IGFL4: variants seen among roughly 807,000 people sequenced by gnomAD.
IGFL4 encodes IGF like family member 4, also known as insulin growth factor-like family member 4.
IGFL4 carries 12 observed loss-of-function variants against 15.4 expected under a neutral mutation model. The ratio of observed to expected loss-of-function variants is 0.78; its 90% CI spans 0.50 to 1.26. The LOEUF (loss-of-function observed/expected upper bound fraction) is 1.26, where lower values mean the gene tolerates loss of function less well. Ranked by LOEUF, IGFL4 falls within the 50% of genes most tolerant of loss-of-function variation. The pLI is 0.00. For synonymous variants in IGFL4, 54 were observed against 55.9 expected (o/e 0.97, Z 0.16); for missense variants, 126 against 147.8 (o/e 0.85, Z 0.76).
chr19:46,049,468 A>G (rs1045295973), intron 2 of IGFL4, among the ~76,000 whole-genome samples: 1 of 152,118 alleles, frequency 6.6e-6, no homozygotes, highest in East Asian at 1.9e-4. Context: ...TGTGGGCTGC[A>G]TGGGAGCTGG....
upstream of IGFL4, among the ~76,000 whole-genome samples, chr19:46,044,821 C>T (rs7257654): frequency 0.46 from 69,353 of 151,804 alleles, 16,840 homozygotes; most frequent in Non-Finnish European, 0.54. Flanking sequence ...CCTTCAGGTA[C>T]GGGAAAAACG....
At chr19:46,060,725 G>T (rs763868140) in intron 1 of IGFL4, among the ~76,000 whole-genome samples, 1 of 152,146 alleles carries the variant, frequency 6.6e-6, no homozygotes, top group Non-Finnish European at 1.5e-5. Flanking sequence ...AGTTTCTCAT[G>T]ATTTGGGAAC....
At chr19:46,047,324 A>T (rs967080681) in intron 2 of IGFL4, among the ~76,000 whole-genome samples, 1 of 152,210 alleles carries the variant, frequency 6.6e-6, no homozygotes, top group Non-Finnish European at 1.5e-5. Flanking sequence ...TAACAACCTA[A>T]CATCTCAACT....
chr19:46,076,212 C>A (rs929191175), intron 1 of IGFL4, among the ~76,000 whole-genome samples: 5 of 152,324 alleles, frequency 3.3e-5, no homozygotes, highest in Admixed American at 6.5e-5. Flanking sequence ...CTCCTATAAA[C>A]CTACCTCTTA....
intron 1 of IGFL4, among the ~76,000 whole-genome samples, chr19:46,068,638 C>T (rs1312888236): frequency 1.3e-5 from 2 of 152,170 alleles, no homozygotes; most frequent in South Asian, 2.1e-4. Context: ...TAGAATTGTT[C>T]ATCTGTGGGC....
chr19:46,052,865 C>CTT (rs1969358338), intron 2 of IGFL4, among the ~76,000 whole-genome samples: 1 of 102,304 alleles, frequency 9.8e-6, no homozygotes, highest in Non-Finnish European at 1.9e-5. Flanking sequence ...TATGTTATCT[C>CTT]GTTTTTTTTT....
At position 46,040,997 on chromosome 19, in the gene IGFL4, C is replaced by A. The variant is rs1969237406; in HGVS notation, c.-35G>T. 1 of 1,562,968 alleles carries A rather than the reference C, an allele frequency of 6.4e-7. No homozygotes were observed. The highest frequency in any genetic ancestry group is 8.6e-7 in the Non-Finnish European group (1 of 1,158,548). ...TTCAGAGCAGCGGACGAGGGAGCAGCAGTGGAAATGGGTCAGTGACTTTAC... is the reference window on the plus strand; with the variant it reads ...TTCAGAGCAGCGGACGAGGGAGCAGAAGTGGAAATGGGTCAGTGACTTTAC... On this transcript the variant is annotated 5_prime_UTR_variant, in exon 1 of 4. Transcript: ENST00000377697. The surrounding 1 kb of genome is among the most constrained non-coding windows in gnomAD (Gnocchi z 4.1).
At chr19:46,048,184 TA>T (rs1255369051) in intron 2 of IGFL4, among the ~76,000 whole-genome samples, 1 of 152,174 alleles carries the variant, frequency 6.6e-6, no homozygotes, top group Non-Finnish European at 1.5e-5. Context: ...ATTATCTCAA[TA>T]GATGCAGAAA....
intron 1 of IGFL4, among the ~76,000 whole-genome samples, chr19:46,066,491 T>C (rs1969495891): frequency 6.6e-6 from 1 of 152,152 alleles, no homozygotes; most frequent in South Asian, 2.1e-4. Flanking sequence ...ACTTTTGCAT[T>C]GCTATAAGGA....
At chr19:46,045,061 T>C (rs1969284947), upstream of IGFL4, among the ~76,000 whole-genome samples, 1 of 152,140 alleles carries the variant, frequency 6.6e-6, no homozygotes, top group African/African-American at 2.4e-5. Flanking sequence ...GAGTGCTTCT[T>C]CTCTTCCAAA....
At chr19:46,071,065 G>A (rs535844886) in intron 1 of IGFL4, among the ~76,000 whole-genome samples, 161 of 151,922 alleles carry the variant, frequency 1.1e-3, no homozygotes, top group African/African-American at 3.6e-3. Flanking sequence ...CCAAGATGGC[G>A]TTTGTTTGCC....
chr19:46,040,292 G>A lies in IGFL4; in HGVS notation c.195C>T (p.Ser65=), dbSNP rs376003284. The change falls in exon 3 of 4, where the codon AGC becomes AGT. Residue 65 remains serine (S), a synonymous_variant. Transcript: ENST00000377697. The surrounding 1 kb of genome is among the most constrained non-coding windows in gnomAD (Gnocchi z 4.1). The part of the protein sequence containing the change: ...DLNQTRLCGS[S]CTFWPCFQHC... ...GCTGGAAGCAGGGCCAGAAGGTGCAGCTGGAGCCGCAGAGCCGGGTCTGGT... is the reference window on the plus strand; with the variant it reads ...GCTGGAAGCAGGGCCAGAAGGTGCAACTGGAGCCGCAGAGCCGGGTCTGGT... 7.4e-6 allele frequency: 12 copies of A among 1,614,064 alleles called. No individual in the cohort carries two copies. In the African/African-American group the frequency reaches 1.6e-4, roughly 22 times the overall value.
At chr19:46,065,718 G>A (rs1969488526) in intron 1 of IGFL4, among the ~76,000 whole-genome samples, 1 of 152,220 alleles carries the variant, frequency 6.6e-6, no homozygotes, top group Non-Finnish European at 1.5e-5. Context: ...CTTAGCCCCA[G>A]GATATTGTCC....
intron 2 of IGFL4, chr19:46,059,618 T>C (rs1195181703): frequency 6.6e-6 from 1 of 152,158 alleles, no homozygotes; most frequent in Admixed American, 6.5e-5. Context: ...TAATAACAGG[T>C]GTACCATAGT....
intron 1 of IGFL4, chr19:46,076,975 C>T (rs926617595): frequency 1.1e-4 from 16 of 152,290 alleles, no homozygotes; most frequent in African/African-American, 3.9e-4. Context: ...ACCTCAAAGG[C>T]CCCCTTTGGC....
At chr19:46,064,103 C>A (rs1969472610) in intron 1 of IGFL4, among the ~76,000 whole-genome samples, 1 of 149,724 alleles carries the variant, frequency 6.7e-6, no homozygotes, top group African/African-American at 2.4e-5. Context: ...CAGCTTTTTT[C>A]TTCCTGGAAG....
At position 46,051,292 on chromosome 19, in the gene IGFL4, C is replaced by T. The variant is rs190998966; in HGVS notation, c.-323+8893G>A. On this transcript the variant is annotated intron_variant, in intron 2 of 5. Transcript: ENST00000601672. ...GGGCACAGCGGCTCACACCTGTAATCCCAGCACTTTGGGAGGCCAAGGCGG... is the reference window on the plus strand; with the variant it reads ...GGGCACAGCGGCTCACACCTGTAATTCCAGCACTTTGGGAGGCCAAGGCGG... Among the ~76,000 whole-genome samples, 208 of 152,314 alleles carry T rather than the reference C, an allele frequency of 1.4e-3. 1 individual carries two copies. The highest frequency in any genetic ancestry group is 6.8e-3 in the Middle Eastern group (2 of 294).
At chr19:46,067,056 G>T (rs1467241296) in intron 1 of IGFL4, among the ~76,000 whole-genome samples, 2 of 152,076 alleles carry the variant, frequency 1.3e-5, no homozygotes, top group Non-Finnish European at 2.9e-5. Context: ...GTCAATAAAA[G>T]AACCTCCCAG....
chr19:46,044,718 C>T (rs1969281454), upstream of IGFL4, among the ~76,000 whole-genome samples: 1 of 152,128 alleles, frequency 6.6e-6, no homozygotes. Flanking sequence ...CAAGGGTCTC[C>T]AGCCACCTCC....
Sources: gnomAD v4.1 joint callset for allele counts (sites outside exome capture counted in the v4.1 genomes callset) on GRCh38, gnomAD v4.1.1 for gene constraint, Gnocchi (gnomAD v3.1) non-coding constraint, MANE v1.5 for transcripts, NCBI Gene and HGNC (gene_info 2026-07-23, HGNC 2026-07-21) for gene names.